LAMC3: variants seen among roughly 807,000 people sequenced by gnomAD.
The protein encoded by LAMC3 is laminin subunit gamma-3.
LAMC3 carries 128 observed loss-of-function variants against 173.8 expected under a neutral mutation model. The observed-to-expected ratio is 0.74, with a 90% CI of 0.64 to 0.85. LAMC3 has a LOEUF of 0.85. LAMC3 is among the 40% of genes least tolerant of loss of function. The pLI, the probability that LAMC3 is intolerant of heterozygous loss-of-function variation, is 0.00. For synonymous variants in LAMC3, 897 were observed against 909.1 expected, an observed-to-expected ratio of 0.99 and a Z score of 0.24; for missense variants, 2,022 against 2,156.0, an observed-to-expected ratio of 0.94 and a Z score of 1.23.
intron 12 of LAMC3, among the ~76,000 whole-genome samples, chr9:131,060,614 G>T (rs1829786833): frequency 6.6e-6 from 1 of 151,064 alleles, no homozygotes; most frequent in Non-Finnish European, 1.5e-5. Flanking sequence ...CTGCACTCCA[G>T]CCTGGGTGAC....
At chr9:131,076,787 A>G (rs1378733218) in intron 21 of LAMC3, among the ~76,000 whole-genome samples, 4 of 152,190 alleles carry the variant, frequency 2.6e-5, no homozygotes, top group Non-Finnish European at 1.5e-5. Context: ...GGACGTGCCC[A>G]AGGTCTCTGG....
At chr9:131,045,034 C>T (rs1834122354) in intron 7 of LAMC3, among the ~76,000 whole-genome samples, 1 of 151,974 alleles carries the variant, frequency 6.6e-6, no homozygotes, top group African/African-American at 2.4e-5. Context: ...GTCAACCTGC[C>T]AACATGGTGA....
chr9:131,035,891 C>T (rs1833934491), intron 3 of LAMC3, among the ~76,000 whole-genome samples: 1 of 152,186 alleles, frequency 6.6e-6, no homozygotes, highest in Admixed American at 6.5e-5. Context: ...TAGCTGGTGG[C>T]TTTGGGCAGC....
intron 11 of LAMC3, among the ~76,000 whole-genome samples, chr9:131,054,975 C>T (rs1834374158): frequency 6.6e-6 from 1 of 151,634 alleles, no homozygotes; most frequent in Non-Finnish European, 1.5e-5. Context: ...TTTTCTGTGT[C>T]TGGTGTGTAA....
chr9:131,031,912 T>C, intron 2 of LAMC3, 133 bp from the exon 3 acceptor site: 1 of 1,483,272 alleles, frequency 6.7e-7, no homozygotes, highest in Non-Finnish European at 9.3e-7. Context: ...GTTCTCAGAA[T>C]TGGCCTGAGC....
chr9:131,060,231 G>C (rs1829781286), intron 12 of LAMC3, among the ~76,000 whole-genome samples: 1 of 152,212 alleles, frequency 6.6e-6, no homozygotes, highest in Admixed American at 6.5e-5. Flanking sequence ...TTCTGGGTCT[G>C]TGTCTCCCTT....
intron 1 of LAMC3, among the ~76,000 whole-genome samples, chr9:131,012,008 A>G (rs1232393853): frequency 6.6e-6 from 1 of 151,704 alleles, no homozygotes; most frequent in Non-Finnish European, 1.5e-5. Flanking sequence ...TTCTAAAAGC[A>G]AGGAACCTGA....
In LAMC3 at chr9:131,026,860, C is replaced by G. The variant is rs553962705; in HGVS notation, c.678+271C>G. On this transcript the variant is annotated intron_variant, in intron 2 of 27. Coordinates refer to ENST00000361069, the MANE Select transcript of LAMC3 (RefSeq NM_006059.4). This position sits in a 1 kb window ranked among gnomAD's most constrained non-coding sequence, Gnocchi z 4.8. ...TAACTGAGATTACAGGTGCCCGCCA[C>G]GACTCCTGGCTGATTCTTTTTTGTA... Among the ~76,000 whole-genome samples, 1 of 152,164 alleles carries G rather than the reference C, an allele frequency of 6.6e-6. No homozygotes were observed. Among genetic ancestry groups the G allele is most frequent in the Non-Finnish European group, 1.5e-5 (1 of 68,030 alleles).
chr9:131,049,423 C>T (rs890929600), intron 9 of LAMC3, among the ~76,000 whole-genome samples: 1 of 152,080 alleles, frequency 6.6e-6, no homozygotes, highest in Admixed American at 6.6e-5. Context: ...TTCTCACGCC[C>T]CATCACTGGC....
At chr9:131,047,191 G>T (rs1455174282) in intron 8 of LAMC3, among the ~76,000 whole-genome samples, 2 of 51,982 alleles carry the variant, frequency 3.8e-5, no homozygotes, top group African/African-American at 6.4e-5. Flanking sequence ...TTAAGACGGA[G>T]TCTCACTGTG....
intron 1 of LAMC3, among the ~76,000 whole-genome samples, chr9:131,010,769 C>T (rs368009137): frequency 5.9e-5 from 9 of 152,350 alleles, no homozygotes; most frequent in Admixed American, 2.0e-4. Context: ...CATGACTTGC[C>T]GAGGTGCAGA....
Position 131,041,636 on chromosome 9 carries a change from G to T in LAMC3, c.1284-1G>T. 1.2e-6 allele frequency: 2 copies of T among 1,613,866 alleles called. No individual in the cohort carries two copies. Among genetic ancestry groups the T allele is most frequent in the South Asian group, 1.1e-5 (1 of 91,008 alleles). On this transcript the variant is annotated splice_acceptor_variant, in intron 6 of 27. Transcript: ENST00000361069. LOFTEE classifies it high-confidence loss of function. ...TTCCTCTTGTCCTGTCTCATTGGCA[G>T]ACCCTGCACTTGCAATCCCGCTGGC...
chr9:131,046,516 G>GTTTTTTTTTTTTTTTTTTTT (rs1443313320), intron 8 of LAMC3, among the ~76,000 whole-genome samples: 2 of 38,756 alleles, frequency 5.2e-5, no homozygotes, highest in Non-Finnish European at 5.5e-5. Context: ...GCTAATTTTT[G>GTTTTTTTTTTTTTTTTTTTT]TATTTTTTTT....
chr9:131,048,063 T>G (rs1834206690), intron 8 of LAMC3, among the ~76,000 whole-genome samples: 1 of 128,406 alleles, frequency 7.8e-6, no homozygotes, highest in Non-Finnish European at 1.7e-5. Flanking sequence ...TTTTTTTTTT[T>G]TTTTTTTTTT....
At position 131,057,100 on chromosome 9, in the gene LAMC3, G is replaced by A. The variant is rs1210227854; in HGVS notation, c.2111G>A (p.Cys704Tyr). ...EMPQGGPYAS[C>Y]VPCTCNQHGT... ...CCACAGGGGGGTCCCTATGCCAGCTGTGTCCCCTGCACCTGTAACCAGCAT... is the reference window on the plus strand; with the variant it reads ...CCACAGGGGGGTCCCTATGCCAGCTATGTCCCCTGCACCTGTAACCAGCAT... Residue 704 changes from cysteine (C) to tyrosine (Y), a missense_variant, in exon 12 of 28, where the codon TGT becomes TAT. Cys to Tyr is a radical substitution (Grantham distance 194). Coordinates refer to ENST00000361069, the MANE Select transcript of LAMC3 (RefSeq NM_006059.4). 1.9e-6 allele frequency: 3 copies of A among 1,614,078 alleles called. No homozygotes were observed. The highest frequency in any genetic ancestry group is 2.2e-5 in the East Asian group (1 of 44,898).
intron 9 of LAMC3, 40 bp downstream of exon 9, chr9:131,049,170 G>C: frequency 8.6e-7 from 1 of 1,169,008 alleles, no homozygotes; most frequent in Non-Finnish European, 1.3e-6. Context: ...GCCCTGTGTC[G>C]GTTCCTCCTG....
intron 17 of LAMC3, among the ~76,000 whole-genome samples, chr9:131,070,434 C>T (rs960928552): frequency 6.6e-6 from 1 of 152,212 alleles, no homozygotes; most frequent in South Asian, 2.1e-4. Flanking sequence ...CACTGAAGGC[C>T]GGGTGCTGTG....
intron 13 of LAMC3, among the ~76,000 whole-genome samples, chr9:131,066,743 C>T (rs920049043): frequency 3.3e-5 from 5 of 152,110 alleles, no homozygotes; most frequent in African/African-American, 7.2e-5. Flanking sequence ...TTGTTGTCCC[C>T]GCTTTAGAGA....
intron 23 of LAMC3, among the ~76,000 whole-genome samples, chr9:131,079,648 C>T (rs886900674): frequency 5.3e-5 from 8 of 151,984 alleles, no homozygotes; most frequent in Non-Finnish European, 8.8e-5. Flanking sequence ...GAGCTGAGAT[C>T]GCGCCACTGC....
Sources: gnomAD v4.1 joint callset for allele counts (sites outside exome capture counted in the v4.1 genomes callset) on GRCh38, gnomAD v4.1.1 for gene constraint, Gnocchi (gnomAD v3.1) non-coding constraint, MANE v1.5 for transcripts, NCBI Gene and HGNC (gene_info 2026-07-23, HGNC 2026-07-21) for gene names.